Variants in DHX57 observed in about 807,000 individuals in gnomAD.
The protein encoded by DHX57 is DExH-box helicase 57.
In DHX57, 105 loss-of-function variants were observed where a neutral mutation model predicts 156.2. The ratio of observed to expected loss-of-function variants is 0.67; its 90% CI spans 0.57 to 0.79. The LOEUF (loss-of-function observed/expected upper bound fraction) is 0.79. DHX57 is among the 30% of genes least tolerant of loss of function. DHX57 has a pLI of 0.00. For synonymous variants in DHX57, 704 were observed against 595.6 expected, an observed-to-expected ratio of 1.18 and a Z score of -2.65; for missense variants, 1,847 against 1,661.9, an observed-to-expected ratio of 1.11 and a Z score of -1.94.
intron 13 of DHX57, among the ~76,000 whole-genome samples, chr2:38,834,481 C>T (rs1271628471): frequency 1.3e-5 from 2 of 151,910 alleles, no homozygotes; most frequent in Admixed American, 1.3e-4. Context: ...TTGTGAGAAT[C>T]GACTTAAAAA....
At chr2:38,822,760 G>C (rs6724203) in intron 17 of DHX57, among the ~76,000 whole-genome samples, 2,218 of 152,076 alleles carry the variant, frequency 0.015, 64 homozygotes, top group African/African-American at 0.051. Context: ...ATCTCTTTGA[G>C]GATTGGATGA....
At chr2:38,836,775 CAAAAAA>C (rs964200602) in intron 13 of DHX57, among the ~76,000 whole-genome samples, 15 of 42,466 alleles carry the variant, frequency 3.5e-4, no homozygotes, top group African/African-American at 1.1e-3. Context: ...GACCCTGTCT[CAAAAAA>C]AAAAAAAAAA....
At chr2:38,832,178 C>A (rs185880685) in intron 13 of DHX57, among the ~76,000 whole-genome samples, 170 of 152,226 alleles carry the variant, frequency 1.1e-3, no homozygotes, top group African/African-American at 3.8e-3. Context: ...CAGTGGCTCA[C>A]GCCTGTAGTC....
intron 19 of DHX57, 75 bp downstream of exon 19, chr2:38,818,802 T>A: frequency 6.7e-7 from 1 of 1,501,048 alleles, no homozygotes; most frequent in South Asian, 1.1e-5. Context: ...ACAGGACACA[T>A]GAGACAAAGT....
intron 1 of DHX57, among the ~76,000 whole-genome samples, chr2:38,868,869 T>G (rs1031282787): frequency 1.3e-5 from 2 of 152,136 alleles, no homozygotes; most frequent in African/African-American, 4.8e-5. Context: ...CCGGATGATC[T>G]CAGCTCACTG....
At chr2:38,804,625 C>A (rs971564747) in intron 22 of DHX57, among the ~76,000 whole-genome samples, 1 of 152,166 alleles carries the variant, frequency 6.6e-6, no homozygotes, top group Non-Finnish European at 1.5e-5. Flanking sequence ...AGCCCTACCC[C>A]ACCCCTGCCT....
intron 17 of DHX57, among the ~76,000 whole-genome samples, chr2:38,822,243 A>G (rs1042765529): frequency 2.0e-5 from 3 of 150,694 alleles, no homozygotes; most frequent in African/African-American, 7.3e-5. Flanking sequence ...CCACCATCCC[A>G]GCTAATTTTG....
intron 13 of DHX57, among the ~76,000 whole-genome samples, 160 bp from the exon 14 acceptor site, chr2:38,828,596 G>C (rs577539008): frequency 6.6e-6 from 1 of 151,898 alleles, no homozygotes; most frequent in Non-Finnish European, 1.5e-5. Flanking sequence ...TGAGAATTTC[G>C]CCTGTGGTCT....
rs540088922 is a variant in DHX57 at position 38,810,101 on chromosome 2, G to C, written c.3682-3408C>G. On this transcript the variant is annotated intron_variant, in intron 21 of 23. Transcript: ENST00000457308. ...GTAGAGATGGGGTTTCACCATGTTG[G>C]CCAGGCTGGTCTCAAACTCCTGACC... Among the ~76,000 whole-genome samples the C allele has an allele frequency of 4.8e-3, 723 of 151,720 alleles. 8 individuals carry two copies. Among genetic ancestry groups the C allele is most frequent in the Middle Eastern group, 0.028 (8 of 290 alleles).
intron 12 of DHX57, 149 bp from the exon 13 acceptor site, chr2:38,838,096 C>T (rs2124860421): frequency 3.3e-6 from 2 of 614,440 alleles, no homozygotes; most frequent in East Asian, 5.7e-5. Context: ...CTGAAATGAA[C>T]TTTTTTCTTT....
At chr2:38,827,184 T>A (rs1558372166) in intron 14 of DHX57, among the ~76,000 whole-genome samples, 1 of 151,946 alleles carries the variant, frequency 6.6e-6, no homozygotes, top group Non-Finnish European at 1.5e-5. Flanking sequence ...TTCTGATTTT[T>A]ACAAAATATT....
chr2:38,868,802 TTTTATTTA>T (rs35920872), intron 1 of DHX57, among the ~76,000 whole-genome samples: 2 of 150,330 alleles, frequency 1.3e-5, no homozygotes, highest in African/African-American at 2.4e-5. Flanking sequence ...TAATTTAGAG[TTTTATTTA>T]TTTATTTATT....
At chr2:38,845,353 A>G (rs1227414536) in intron 11 of DHX57, among the ~76,000 whole-genome samples, 1 of 152,168 alleles carries the variant, frequency 6.6e-6, no homozygotes, top group Admixed American at 6.5e-5. Context: ...TAATAATTCT[A>G]ATAAGCTCCC....
rs1455567479 is a variant in DHX57, at chr2:38,828,434, C to T, written c.2545G>A (p.Ala849Thr). 1.2e-6 allele frequency: 2 copies of T among 1,605,696 alleles called. No individual in the cohort carries two copies. The highest frequency in any genetic ancestry group is 1.7e-6 in the Non-Finnish European group (2 of 1,175,956). The change falls in exon 14 of 24, where the codon GCT (alanine) becomes ACT (threonine). Residue 849 changes from alanine (A) to threonine (T), a missense_variant and splice_region_variant. Physicochemically the swap from Ala to Thr is moderately conservative, Grantham distance 58. Transcript: ENST00000457308. Reference sequence around the variant, plus strand: ...AGTCCTGGTAAAAATACAAGTATAGCACCTGGGTATATAAAAAGAATCAAT... The same window carrying T: ...AGTCCTGGTAAAAATACAAGTATAGTACCTGGGTATATAAAAAGAATCAAT... ...VDGKHSYPPGAILVFLPGLAE... is the reference protein window; with the variant it reads ...VDGKHSYPPGTILVFLPGLAE...
intron 7 of DHX57, among the ~76,000 whole-genome samples, chr2:38,855,862 C>T (rs536251872): frequency 3.9e-5 from 6 of 152,158 alleles, no homozygotes; most frequent in South Asian, 4.2e-4. Context: ...TTTGGGAGAC[C>T]GAGGCAGGCG....
intron 1 of DHX57, among the ~76,000 whole-genome samples, chr2:38,871,767 C>A (rs540019614): frequency 1.3e-5 from 2 of 149,956 alleles, no homozygotes; most frequent in East Asian, 3.9e-4. Flanking sequence ...AGTGCAGTAG[C>A]GTGGTCTCAG....
At chr2:38,810,371 T>G (rs1670177806) in intron 21 of DHX57, 1 of 479,100 alleles carries the variant, frequency 2.1e-6, no homozygotes, top group South Asian at 1.6e-5. Context: ...ATCACAACAA[T>G]TAGTGCCTGT....
chr2:38,828,354 G>A lies in DHX57; in HGVS notation c.2625C>T (p.Asn875=). The change falls in exon 14 of 24, where the codon AAC becomes AAT. Residue 875 remains asparagine, a synonymous_variant. Coordinates refer to ENST00000457308, the MANE Select transcript of DHX57 (RefSeq NM_198963.3). ...AATTAGCTTACCGATTACTACGTCT[G>A]TTGTTGAAAAGAGAATTAGACTGTA... The part of the protein sequence containing the change: ...EQLQSNSLFN[N]RRSNRCVIHP... The A allele has an allele frequency of 6.2e-7, 1 of 1,611,686 alleles. No homozygotes were observed. Among genetic ancestry groups the A allele is most frequent in the African/African-American group, 1.3e-5 (1 of 74,936 alleles).
chr2:38,800,055 T>C (rs893183261), intron 23 of DHX57, among the ~76,000 whole-genome samples: 8 of 149,456 alleles, frequency 5.4e-5, no homozygotes, highest in Admixed American at 4.0e-4. Context: ...GGTGGTGGCG[T>C]ATGCCTGTAA....
Sources: gnomAD v4.1 joint callset for allele counts (sites outside exome capture counted in the v4.1 genomes callset) on GRCh38, gnomAD v4.1.1 for gene constraint, MANE v1.5 for transcripts, NCBI Gene and HGNC (gene_info 2026-07-23, HGNC 2026-07-21) for gene names.